HIVEP3: variants seen among roughly 807,000 people sequenced by gnomAD.
The protein encoded by HIVEP3 is transcription factor HIVEP3.
Under a neutral mutation model 152.8 loss-of-function variants are expected in HIVEP3, and 49 were observed. That is an observed-to-expected ratio of 0.32 (90% CI 0.26 to 0.41). The LOEUF (loss-of-function observed/expected upper bound fraction) is 0.41. Among genes scored for constraint, HIVEP3 ranks in the 10% least tolerant of loss-of-function variants. The pLI, the probability that HIVEP3 is intolerant of heterozygous loss-of-function variation, is 1.00. For missense variants in HIVEP3, 2,790 were observed against 3,103.3 expected (o/e 0.90, Z 2.40); for synonymous variants, 1,269 against 1,289.0 (o/e 0.98, Z 0.33).
chr1:41,744,489 G>T (rs919043115), intron 1 of HIVEP3, among the ~76,000 whole-genome samples: 1 of 152,260 alleles, frequency 6.6e-6, no homozygotes, highest in Non-Finnish European at 1.5e-5. Context: ...GTGCTGGCCA[G>T]ATGGGAGACT....
At chr1:41,950,436 T>A (rs1229902333) in intron 1 of HIVEP3, among the ~76,000 whole-genome samples, 1 of 152,232 alleles carries the variant, frequency 6.6e-6, no homozygotes, top group Non-Finnish European at 1.5e-5. Flanking sequence ...GGGCTTTGTA[T>A]AACCAGGAGT....
chr1:41,568,948 C>T (rs947960082), intron 5 of HIVEP3, among the ~76,000 whole-genome samples: 2 of 152,168 alleles, frequency 1.3e-5, no homozygotes, highest in Admixed American at 6.5e-5. Flanking sequence ...ACACCATCCC[C>T]TCTTCATACT....
chr1:41,641,318 T>C (rs1645368497), intron 2 of HIVEP3, among the ~76,000 whole-genome samples: 1 of 152,202 alleles, frequency 6.6e-6, no homozygotes, highest in African/African-American at 2.4e-5. Context: ...GCAGAATTGC[T>C]TTCTGCCCAC....
chr1:41,822,232 T>C (rs188729474), intron 1 of HIVEP3, among the ~76,000 whole-genome samples: 1 of 152,266 alleles, frequency 6.6e-6, no homozygotes, highest in East Asian at 1.9e-4. Context: ...CTCTCTCCAG[T>C]AGGAAAATCT....
chr1:41,795,029 A>G (rs1649908072), intron 1 of HIVEP3, among the ~76,000 whole-genome samples: 1 of 152,218 alleles, frequency 6.6e-6, no homozygotes, highest in Admixed American at 6.5e-5. Context: ...ACCTAAGACT[A>G]TATAGTCATG....
chr1:41,953,599 C>T (rs1268119174), intron 1 of HIVEP3, among the ~76,000 whole-genome samples: 1 of 152,144 alleles, frequency 6.6e-6, no homozygotes, highest in Non-Finnish European at 1.5e-5. Flanking sequence ...CCACCCCATG[C>T]TCAGTTTGGA....
At position 41,513,661 on chromosome 1, in the gene HIVEP3, C is replaced by A; in HGVS notation, c.5560G>T (p.Asp1854Tyr). The A allele has an allele frequency of 6.2e-7, 1 of 1,613,552 alleles. No homozygotes were observed. Among genetic ancestry groups the A allele is most frequent in the Non-Finnish European group, 8.5e-7 (1 of 1,179,846 alleles). ...TCTTCGTCCAGGTCTGAGTCTGAGT[C>A]CGAGTCCTCCAGGTCCGAAAACTGG... ...EHQFSDLEDS[D>Y]SDSDLDEDED... The change falls in exon 8 of 9, where the codon GAC (aspartate) becomes TAC (tyrosine). Residue 1854 changes from aspartate (D) to tyrosine (Y), a missense_variant. By Grantham distance (160) the Asp-to-Tyr change is radical. Transcript: ENST00000372583.
chr1:41,787,658 C>A (rs1001863616), intron 1 of HIVEP3, among the ~76,000 whole-genome samples: 2 of 150,758 alleles, frequency 1.3e-5, no homozygotes, highest in African/African-American at 2.4e-5. Context: ...ATCGCTGGGA[C>A]TACAGGTGTG....
At position 41,581,434 on chromosome 1, in the gene HIVEP3, G is replaced by T. The variant is rs1449984176; in HGVS notation, c.3364C>A (p.Gln1122Lys). Residue 1122 changes from glutamine to lysine, a missense_variant, in exon 4 of 9, where the codon CAA becomes AAA. Around this residue, in one of 9 missense-constraint regions of HIVEP3, gnomAD observed 1,078 missense variants for 1,165.3 expected, o/e 0.93. Coordinates refer to ENST00000372583, the MANE Select transcript of HIVEP3 (RefSeq NM_024503.5). The surrounding 1 kb of genome is among the most constrained non-coding windows in gnomAD (Gnocchi z 4.5). ...GPTVPYTEAL[Q>K]VFHHPVAQTP... is the part of the protein sequence containing the mutation. Reference sequence around the variant, plus strand: ...TGGGCAACGGGGTGGTGGAACACTTGCAGTGCTTCTGTGTAGGGCACAGTG... The same window carrying T: ...TGGGCAACGGGGTGGTGGAACACTTTCAGTGCTTCTGTGTAGGGCACAGTG... The T allele has an allele frequency of 3.1e-6, 5 of 1,592,908 alleles. No homozygotes were observed. The highest frequency in any genetic ancestry group is 4.3e-6 in the Non-Finnish European group (5 of 1,169,992).
At chr1:41,550,843 T>A (rs914571543) in intron 5 of HIVEP3, among the ~76,000 whole-genome samples, 9 of 152,356 alleles carry the variant, frequency 5.9e-5, no homozygotes, top group African/African-American at 2.2e-4. Flanking sequence ...TGACTTCCTC[T>A]TTTTCTAATT....
chr1:41,633,199 C>G (rs1480998672), intron 2 of HIVEP3, among the ~76,000 whole-genome samples: 1 of 152,042 alleles, frequency 6.6e-6, no homozygotes, highest in Non-Finnish European at 1.5e-5. Context: ...TCCCTCTTCT[C>G]CCCCCCGCAA....
At chr1:41,999,651 C>A (rs138623662) in intron 1 of HIVEP3, among the ~76,000 whole-genome samples, 1 of 152,226 alleles carries the variant, frequency 6.6e-6, no homozygotes, top group African/African-American at 2.4e-5. Flanking sequence ...ATCTGAGCAG[C>A]AAGATCAAAG....
intron 1 of HIVEP3, among the ~76,000 whole-genome samples, chr1:41,814,223 T>A (rs1344012145): frequency 6.6e-5 from 10 of 152,162 alleles, no homozygotes; most frequent in Non-Finnish European, 2.9e-5. Flanking sequence ...GGCTTCTGAG[T>A]GAGTGTCCCT....
At chr1:41,923,326 G>T (rs1214067010), upstream of HIVEP3, among the ~76,000 whole-genome samples, 2 of 152,146 alleles carry the variant, frequency 1.3e-5, no homozygotes, top group East Asian at 3.8e-4. Flanking sequence ...AGGAAATTCT[G>T]CCATTTGTGA....
At chr1:41,811,191 G>A (rs945854958) in intron 1 of HIVEP3, among the ~76,000 whole-genome samples, 1 of 150,982 alleles carries the variant, frequency 6.6e-6, no homozygotes, top group Non-Finnish European at 1.5e-5. Context: ...ATAGTCTCCT[G>A]GGTGTGACCC....
chr1:41,812,469 AT>A (rs1183174070), intron 1 of HIVEP3, among the ~76,000 whole-genome samples: 2 of 152,158 alleles, frequency 1.3e-5, no homozygotes, highest in Non-Finnish European at 2.9e-5. Context: ...AAACAAAAAA[AT>A]AAATAAGATG....
At chr1:41,554,303 C>T (rs1359129341) in intron 5 of HIVEP3, among the ~76,000 whole-genome samples, 2 of 152,174 alleles carry the variant, frequency 1.3e-5, no homozygotes. Context: ...GTGCATGCGT[C>T]ACGTAGTTCT....
At chr1:41,647,837 T>C (rs1645484397) in intron 2 of HIVEP3, among the ~76,000 whole-genome samples, 1 of 152,274 alleles carries the variant, frequency 6.6e-6, no homozygotes, top group African/African-American at 2.4e-5. Context: ...TCTTGGTCTC[T>C]TGGGCCAGAA....
At chr1:41,824,358 T>C (rs1642695255) in intron 1 of HIVEP3, among the ~76,000 whole-genome samples, 2 of 152,214 alleles carry the variant, frequency 1.3e-5, no homozygotes, top group Non-Finnish European at 2.9e-5. Flanking sequence ...AAAATTTCAA[T>C]CTAACATTTT....
Sources: allele counts gnomAD v4.1 joint callset (sites outside exome capture counted in the v4.1 genomes callset), GRCh38; gene constraint gnomAD v4.1.1; regional missense constraint gnomAD v4.1.1; non-coding constraint Gnocchi (gnomAD v3.1); transcripts MANE v1.5; gene names NCBI Gene and HGNC (gene_info 2026-07-23, HGNC 2026-07-21).